The following BABAM2 variants were observed in gnomAD, a reference collection of about 807,000 sequenced individuals.
BABAM2 encodes BRISC and BRCA1-A complex member 2.
BABAM2 carries 31 observed loss-of-function variants against 54.7 expected under a neutral mutation model. That is an observed-to-expected ratio of 0.57 (90% CI 0.43 to 0.77). BABAM2 has a LOEUF of 0.77. BABAM2 is among the 30% of genes least tolerant of loss of function. The pLI is 0.00. For missense variants in BABAM2, 364 were observed against 455.8 expected, an observed-to-expected ratio of 0.80 and a Z score of 1.83; for synonymous variants, 167 against 162.9, an observed-to-expected ratio of 1.03 and a Z score of -0.19.
At chr2:28,081,142 C>G (rs1346143083) in intron 6 of BABAM2, among the ~76,000 whole-genome samples, 1 of 152,104 alleles carries the variant, frequency 6.6e-6, no homozygotes, top group African/African-American at 2.4e-5. Flanking sequence ...GGCAGGAAAA[C>G]GTAGTGCAGC....
At chr2:28,269,110 C>T (rs1685214322) in intron 10 of BABAM2, among the ~76,000 whole-genome samples, 1 of 152,146 alleles carries the variant, frequency 6.6e-6, no homozygotes, top group Non-Finnish European at 1.5e-5. Flanking sequence ...CCAGGGTAAC[C>T]ACATTACTTA....
At chr2:28,198,744 C>T (rs1558428762) in intron 7 of BABAM2, among the ~76,000 whole-genome samples, 3 of 152,120 alleles carry the variant, frequency 2.0e-5, no homozygotes, top group Non-Finnish European at 4.4e-5. Flanking sequence ...GTTACTTCAG[C>T]CCTTTAAGTA....
chr2:28,012,589 A>G (rs954435926), intron 4 of BABAM2, among the ~76,000 whole-genome samples: 1 of 152,226 alleles, frequency 6.6e-6, no homozygotes, highest in Non-Finnish European at 1.5e-5. Flanking sequence ...GACAACACCT[A>G]TGGAAGAAAT....
At chr2:28,307,503 A>G (rs111770298) in intron 11 of BABAM2, among the ~76,000 whole-genome samples, 2,297 of 150,750 alleles carry the variant, frequency 0.015, 56 homozygotes, top group African/African-American at 0.054. Flanking sequence ...TGTGTTAGCT[A>G]TATTTCTTTG....
At chr2:28,224,099 CA>C (rs775366662) in intron 7 of BABAM2, among the ~76,000 whole-genome samples, 1 of 152,238 alleles carries the variant, frequency 6.6e-6, no homozygotes. Flanking sequence ...TGAACCAAAC[CA>C]AAACAACAAA....
At chr2:28,224,849 G>GAAAAAAAAAA (rs1406843262) in intron 7 of BABAM2, among the ~76,000 whole-genome samples, 5 of 60,366 alleles carry the variant, frequency 8.3e-5, no homozygotes, top group African/African-American at 1.7e-4. Flanking sequence ...ACGGTAAATT[G>GAAAAAAAAAA]ACAAAAAAAA....
rs758012672 is a variant in BABAM2 at position 28,298,491 on chromosome 2, A to G, written c.1088A>G (p.Lys363Arg). ...WDGNEMAKRA[K>R]AYFKTFVPQF... ...GGAAATGAAATGGCCAAAAGAGCAAAGTAAGTGAATCTGTCGTTATTTCCA... is the reference window on the plus strand; with the variant it reads ...GGAAATGAAATGGCCAAAAGAGCAAGGTAAGTGAATCTGTCGTTATTTCCA... Residue 363 changes from lysine (K) to arginine (R), a missense_variant and splice_region_variant, in exon 11 of 12, where the codon AAG (lysine) becomes AGG (arginine). Physicochemically the swap from Lys to Arg is conservative, Grantham distance 26 (BLOSUM62 2). Transcript: ENST00000379624. 2.5e-6 allele frequency: 4 copies of G among 1,613,950 alleles called. No homozygotes were observed. The South Asian group carries it at 4.4e-5, about 18-fold the overall frequency.
intron 6 of BABAM2, among the ~76,000 whole-genome samples, chr2:28,047,110 G>A (rs1677642309): frequency 6.6e-6 from 1 of 152,030 alleles, no homozygotes; most frequent in African/African-American, 2.4e-5. Flanking sequence ...TTAAACTTTC[G>A]TTTTTAGTTT....
At chr2:28,189,402 T>A (rs1324858837) in intron 7 of BABAM2, among the ~76,000 whole-genome samples, 4 of 152,148 alleles carry the variant, frequency 2.6e-5, no homozygotes, top group African/African-American at 7.2e-5. Context: ...GAATAAATGG[T>A]ACTGATTAAG....
chr2:27,903,589 A>G (rs1439653938), intron 2 of BABAM2, among the ~76,000 whole-genome samples: 1 of 152,174 alleles, frequency 6.6e-6, no homozygotes, highest in Non-Finnish European at 1.5e-5. Context: ...CCTTCTCATT[A>G]GGGGATATGT....
chr2:28,249,179 C>T (rs910940622), intron 10 of BABAM2, among the ~76,000 whole-genome samples: 2 of 151,704 alleles, frequency 1.3e-5, no homozygotes, highest in African/African-American at 4.8e-5. Context: ...CCTCCGCCAC[C>T]TTGAGTTCAA....
intron 7 of BABAM2, among the ~76,000 whole-genome samples, chr2:28,156,652 T>G (rs773158342): frequency 6.6e-6 from 1 of 152,218 alleles, no homozygotes; most frequent in Non-Finnish European, 1.5e-5. Flanking sequence ...GAGAAAGGAT[T>G]ATAGAATTAA....
intron 5 of BABAM2, among the ~76,000 whole-genome samples, chr2:28,033,716 A>G (rs969787437): frequency 1.3e-5 from 2 of 152,172 alleles, no homozygotes; most frequent in African/African-American, 4.8e-5. Context: ...AAGCACAATA[A>G]GCAAATTTGT....
At chr2:28,295,673 T>C (rs1327253315) in intron 10 of BABAM2, among the ~76,000 whole-genome samples, 1 of 152,124 alleles carries the variant, frequency 6.6e-6, no homozygotes, top group Admixed American at 6.5e-5. Context: ...TTTTTTGTAT[T>C]TTTAGTAGAG....
At chr2:27,979,659 G>T (rs1454147469) in intron 3 of BABAM2, among the ~76,000 whole-genome samples, 1 of 152,036 alleles carries the variant, frequency 6.6e-6, no homozygotes, top group Non-Finnish European at 1.5e-5. Flanking sequence ...TAGCCATTCT[G>T]ACTGATGTTA....
chr2:28,255,035 C>A (rs950163270), intron 10 of BABAM2, among the ~76,000 whole-genome samples: 1 of 152,072 alleles, frequency 6.6e-6, no homozygotes, highest in Non-Finnish European at 1.5e-5. Flanking sequence ...CTGCACCCAG[C>A]CCAGATAAGG....
intron 7 of BABAM2, among the ~76,000 whole-genome samples, chr2:28,224,840 C>T (rs1239200318): frequency 6.3e-5 from 6 of 95,560 alleles, no homozygotes; most frequent in South Asian, 3.0e-4. Flanking sequence ...AGTCCAAAAA[C>T]GGTAAATTGA....
chr2:28,010,704 C>T (rs924595120), intron 4 of BABAM2, among the ~76,000 whole-genome samples: 2 of 152,070 alleles, frequency 1.3e-5, no homozygotes, highest in Admixed American at 6.5e-5. Flanking sequence ...ACTTAACAGT[C>T]CAGAATTGAG....
chr2:27,903,773 A>G (rs1049438548), intron 2 of BABAM2, among the ~76,000 whole-genome samples: 1 of 152,148 alleles, frequency 6.6e-6, no homozygotes, highest in Non-Finnish European at 1.5e-5. Context: ...GCAAAGCAAA[A>G]CTAGCACAAA....
Sources: allele counts gnomAD v4.1 joint callset (sites outside exome capture counted in the v4.1 genomes callset), GRCh38; gene constraint gnomAD v4.1.1; transcripts MANE v1.5; gene names NCBI Gene and HGNC (gene_info 2026-07-23, HGNC 2026-07-21).